The following RANBP2 variants were observed in gnomAD, a reference collection of about 807,000 sequenced individuals.
RANBP2 encodes the protein RAN binding protein 2.
In RANBP2, 57 loss-of-function variants were observed where a neutral mutation model predicts 303.6. That is an observed-to-expected ratio of 0.19 (90% CI 0.15 to 0.23). RANBP2 has a LOEUF of 0.23. Ranked by LOEUF, RANBP2 falls within the 10% of genes least tolerant of loss-of-function variation. The pLI is 1.00. For missense variants in RANBP2, 3,138 were observed against 3,780.8 expected (o/e 0.83, Z 4.46); for synonymous variants, 1,167 against 1,301.5 (o/e 0.90, Z 2.23).
At chr2:109,152,035 T>C in the RANBP2 span, among the ~76,000 whole-genome samples, 2 of 152,262 alleles carry the variant, frequency 1.3e-5, no homozygotes, top group African/African-American at 4.8e-5. Context: ...TGGGAAGTTA[T>C]TACTTCTCTG....
chr2:108,794,801 A>G, the RANBP2 span: 3 of 627,962 alleles, frequency 4.8e-6, no homozygotes, highest in African/African-American at 2.0e-5. Flanking sequence ...TGAATATAAT[A>G]TATTTCATTT....
chr2:109,200,901 C>T, the RANBP2 span, among the ~76,000 whole-genome samples: 9 of 152,214 alleles, frequency 5.9e-5, no homozygotes, highest in South Asian at 1.4e-3. Flanking sequence ...CATGTCACTC[C>T]TCCTTGGGCC....
At chr2:108,843,586 G>A in the RANBP2 span, among the ~76,000 whole-genome samples, 1 of 152,244 alleles carries the variant, frequency 6.6e-6, no homozygotes, top group East Asian at 1.9e-4. Flanking sequence ...TTCAGTACTT[G>A]AAAAATGTGC....
intron 7 of RANBP2, among the ~76,000 whole-genome samples, chr2:108,742,683 C>T (rs13383971): frequency 2.4e-3 from 370 of 152,296 alleles, no homozygotes; most frequent in African/African-American, 8.3e-3. Context: ...CTTCTGTGTT[C>T]ATAAGGAATT....
At chr2:109,010,451 G>C in the RANBP2 span, among the ~76,000 whole-genome samples, 1 of 152,004 alleles carries the variant, frequency 6.6e-6, no homozygotes, top group African/African-American at 2.4e-5. Flanking sequence ...TAGTCAGCTT[G>C]GGCTGCTATG....
the RANBP2 span, among the ~76,000 whole-genome samples, chr2:109,437,418 T>C: frequency 2.0e-5 from 3 of 152,016 alleles, no homozygotes; most frequent in African/African-American, 7.2e-5. Flanking sequence ...ACTTGCCTTA[T>C]CATGTTACCC....
the RANBP2 span, among the ~76,000 whole-genome samples, chr2:109,394,230 G>C: frequency 2.0e-5 from 3 of 152,234 alleles, no homozygotes; most frequent in African/African-American, 7.2e-5. Flanking sequence ...TAAGAAAGCT[G>C]GGGAGACAAA....
the RANBP2 span, among the ~76,000 whole-genome samples, chr2:109,111,079 A>C: frequency 6.6e-6 from 1 of 152,154 alleles, no homozygotes; most frequent in Non-Finnish European, 1.5e-5. Flanking sequence ...TAGTGCACAG[A>C]TGATCATCCA....
chr2:109,130,099 G>A, the RANBP2 span: 13 of 1,335,204 alleles, frequency 9.7e-6, no homozygotes, highest in South Asian at 1.9e-5. Context: ...CAGCAGGACC[G>A]CGCCGGCGGC....
chr2:108,732,846 C>T (rs189012765), intron 4 of RANBP2, among the ~76,000 whole-genome samples: 47 of 152,168 alleles, frequency 3.1e-4, no homozygotes, highest in African/African-American at 9.6e-4. Context: ...TTTTTTGAGA[C>T]GGAGTCTCGC....
chr2:108,930,938 G>T, the RANBP2 span: 1 of 1,613,262 alleles, frequency 6.2e-7, no homozygotes, highest in Non-Finnish European at 8.5e-7. Context: ...AGGGTGCTGT[G>T]GGGGTAAGGG....
Position 108,765,327 on chromosome 2 carries a change from G to A in RANBP2, c.4788G>A (p.Lys1596=), listed in dbSNP as rs760274664. The change falls in exon 20 of 29, where the codon AAG becomes AAA. Residue 1596 remains lysine, a synonymous_variant. Coordinates refer to ENST00000283195, the MANE Select transcript of RANBP2 (RefSeq NM_006267.5). ...CTTCAGAGACAAGCAAGGCTCCAAA[G>A]AGCGGATTTGAGGGAATGTTCACTA... ...FGTSETSKAP[K]SGFEGMFTKK... The A allele has an allele frequency of 3.7e-6, 6 of 1,613,834 alleles. No individual in the cohort carries two copies. The highest frequency in any genetic ancestry group is 5.1e-6 in the Non-Finnish European group (6 of 1,179,892).
At position 108,727,699 on chromosome 2, in the gene RANBP2, A is replaced by G. The variant is rs572086942; in HGVS notation, c.73-1433A>G. ...GCCCACTGCAGCCTCTGCCTCCCGG[A>G]TTCAAGCGATTCTTTGCCTCAGCCT... On this transcript the variant is annotated intron_variant, in intron 1 of 28. Transcript: ENST00000283195. Among the ~76,000 whole-genome samples, 446 of 145,872 alleles carry G rather than the reference A, an allele frequency of 3.1e-3. 1 individual carries two copies. Among genetic ancestry groups the G allele is most frequent in the Non-Finnish European group, 3.2e-3 (214 of 67,332 alleles).
the RANBP2 span, among the ~76,000 whole-genome samples, chr2:109,721,373 A>C: frequency 6.6e-6 from 1 of 152,190 alleles, no homozygotes; most frequent in African/African-American, 2.4e-5. Flanking sequence ...TTGTTTCCAA[A>C]GTGGCAGACT....
the RANBP2 span, among the ~76,000 whole-genome samples, chr2:109,012,917 AAAC>A: frequency 1.3e-5 from 2 of 152,160 alleles, no homozygotes; most frequent in Non-Finnish European, 2.9e-5. Flanking sequence ...CCATCTCAGA[AAAC>A]AACAACAACA....
the RANBP2 span, chr2:109,668,149 A>G: frequency 6.6e-6 from 1 of 152,268 alleles, no homozygotes; most frequent in African/African-American, 2.4e-5. Flanking sequence ...CTTTGAGAGG[A>G]GAAATGAAGC....
the RANBP2 span, among the ~76,000 whole-genome samples, chr2:109,591,862 A>T: frequency 2.0e-5 from 3 of 152,204 alleles, no homozygotes; most frequent in East Asian, 5.8e-4. Flanking sequence ...GCACCACTGC[A>T]CTCCAGCCTG....
the RANBP2 span, among the ~76,000 whole-genome samples, chr2:109,722,582 C>T: frequency 6.6e-6 from 1 of 152,214 alleles, no homozygotes; most frequent in South Asian, 2.1e-4. Context: ...CAACCCATCA[C>T]CTAGGTGTTA....
At chr2:108,884,375 A>G in the RANBP2 span, 2 of 152,202 alleles carry the variant, frequency 1.3e-5, no homozygotes, top group Admixed American at 6.5e-5. Flanking sequence ...GTGTAATTCC[A>G]CAAGGCACAG....
Sources: gnomAD v4.1 joint callset for allele counts (sites outside exome capture counted in the v4.1 genomes callset) on GRCh38, gnomAD v4.1.1 for gene constraint, MANE v1.5 for transcripts, NCBI Gene and HGNC (gene_info 2026-07-23, HGNC 2026-07-21) for gene names.